OGFR: variants seen among roughly 807,000 people sequenced by gnomAD.
OGFR encodes opioid growth factor receptor.
A neutral mutation model predicts 33.6 loss-of-function variants in OGFR; 18 were observed. That is an observed-to-expected ratio of 0.54 (90% CI 0.37 to 0.80). OGFR has a LOEUF of 0.80. Among genes scored for constraint, OGFR ranks in the 30% least tolerant of loss-of-function variants. The probability of loss-of-function intolerance (pLI) is 0.00; values close to 1 mark genes in which losing one functional copy is unlikely to be tolerated. For synonymous variants in OGFR, 370 were observed against 400.7 expected (o/e 0.92, Z 0.91); for missense variants, 877 against 955.8 (o/e 0.92, Z 1.09).
rs748171211 is a variant in OGFR, at chr20:62,812,528, G to C, written c.913G>C (p.Glu305Gln). ...GCCCAGCTCTCTGCCCCATCCGCTC[G>C]AGGGCTCCAGGAAGGTGGAGGAGGA... is the stretch of plus-strand genomic sequence containing the variant. ...FKPSSLPHPLEGSRKVEEEGS... is the reference protein window; with the variant it reads ...FKPSSLPHPLQGSRKVEEEGS... The change falls in exon 7 of 7, where the codon GAG becomes CAG. Residue 305 changes from glutamate to glutamine, a missense_variant. This residue lies in a region of OGFR where 760 missense variants were observed against 736.0 expected (regional missense o/e 1.03). Transcript: ENST00000290291. 5 of 1,585,598 alleles carry C rather than the reference G, an allele frequency of 3.2e-6. No individual in the cohort carries two copies. Among genetic ancestry groups the C allele is most frequent in the African/African-American group, 1.3e-5 (1 of 74,516 alleles).
Position 62,810,526 on chromosome 20 carries a change from G to A in OGFR, c.426G>A (p.Val142=). 1 of 1,613,190 alleles carries A rather than the reference G, an allele frequency of 6.2e-7. No individual in the cohort carries two copies. Among genetic ancestry groups the A allele is most frequent in the African/African-American group, 1.3e-5 (1 of 75,068 alleles). Residue 142 remains valine, a synonymous_variant, in exon 5 of 7, where the codon GTG becomes GTA. Coordinates refer to ENST00000290291, the MANE Select transcript of OGFR (RefSeq NM_007346.4). Reference sequence around the variant, plus strand: ...TGTTTCCTCTGCGAGAACCAGGAGTGAACTGGCATGCCAAGCCCCTCACGC... The same window carrying A: ...TGTTTCCTCTGCGAGAACCAGGAGTAAACTGGCATGCCAAGCCCCTCACGC... The part of the protein sequence containing the change: ...QWLFPLREPG[V]NWHAKPLTLR...
chr20:62,809,714 GGGCCCTCCCA>G, intron 4 of OGFR, 51 bp downstream of exon 4: 1 of 1,371,648 alleles, frequency 7.3e-7, no homozygotes, highest in Non-Finnish European at 1.0e-6. Context: ...CACAGGGGGA[GGGCCCTCCCA>G]GGCAGGAGCC....
At chr20:62,807,444 T>C (rs1990620878) in intron 1 of OGFR, 93 bp from the exon 2 acceptor site, 1 of 1,067,500 alleles carries the variant, frequency 9.4e-7, no homozygotes, top group Non-Finnish European at 1.4e-6. Context: ...GACAGCTCTG[T>C]GGCAGCTGGC....
intron 4 of OGFR, among the ~76,000 whole-genome samples, chr20:62,810,126 C>T (rs902009265): frequency 4.6e-5 from 7 of 152,168 alleles, no homozygotes; most frequent in African/African-American, 7.2e-5. Context: ...GCTCGCTGGG[C>T]GTCCACAGGG....
At position 62,807,539 on chromosome 20, in the gene OGFR, C is replaced by T; in HGVS notation, c.174C>T (p.Ser58=). 6.2e-7 allele frequency: 1 copy of T among 1,612,644 alleles called. No individual in the cohort carries two copies. Among genetic ancestry groups the T allele is most frequent in the Non-Finnish European group, 8.5e-7 (1 of 1,179,666 alleles). The change falls in exon 2 of 7, where the codon TCC becomes TCT. Residue 58 remains serine, a splice_region_variant and synonymous_variant. Coordinates refer to ENST00000290291, the MANE Select transcript of OGFR (RefSeq NM_007346.4). ...AATCCCATCTCTTTTCTTCCCAGTCCAGAATGACAGGGTCCAGAAACTGGC... is the reference window on the plus strand; with the variant it reads ...AATCCCATCTCTTTTCTTCCCAGTCTAGAATGACAGGGTCCAGAAACTGGC... ...PRAARPSSFQ[S]RMTGSRNWRA...
chr20:62,809,903 C>A (rs538016654), intron 4 of OGFR, among the ~76,000 whole-genome samples: 16 of 152,224 alleles, frequency 1.1e-4, no homozygotes, highest in Non-Finnish European at 1.8e-4. Flanking sequence ...GGAAGGGCTG[C>A]ACACAAGCTC....
rs1990752636 is a variant in OGFR at position 62,812,477 on chromosome 20, C to A, written c.862C>A (p.Pro288Thr). 3 of 1,578,834 alleles carry A rather than the reference C, an allele frequency of 1.9e-6. No homozygotes were observed. Among genetic ancestry groups the A allele is most frequent in the Admixed American group, 3.6e-5 (2 of 55,048 alleles). Reference protein sequence around the residue: ...FRPRCKFVWGPQDKLRRFKPS... With the variant: ...FRPRCKFVWGTQDKLRRFKPS... ...GCCCCGCTGCAAGTTCGTCTGGGGG[C>A]CCCAAGACAAGCTGCGGAGGTTCAA... is the stretch of plus-strand genomic sequence containing the variant. The change falls in exon 7 of 7, where the codon CCC (proline) becomes ACC (threonine). Residue 288 changes from proline (P) to threonine (T), a missense_variant. By Grantham distance (38) the Pro-to-Thr change is conservative. Around this residue, in one of 3 missense-constraint regions of OGFR, gnomAD observed 760 missense variants for 736.0 expected, o/e 1.03. Coordinates refer to ENST00000290291, the MANE Select transcript of OGFR (RefSeq NM_007346.4).
rs1990700007 is a variant in OGFR, at chr20:62,810,501, T to C, written c.401T>C (p.Leu134Pro). The C allele has an allele frequency of 1.2e-6, 2 of 1,613,240 alleles. No individual in the cohort carries two copies. Among genetic ancestry groups the C allele is most frequent in the Admixed American group, 1.7e-5 (1 of 60,012 alleles). The part of the protein sequence containing the change: ...LEDNHSYIQW[L>P]FPLREPGVNW... ...CCTGAGCATCTCTTCTCCTGCAGGC[T>C]GTTTCCTCTGCGAGAACCAGGAGTG... Residue 134 changes from leucine (L) to proline (P), a missense_variant and splice_region_variant, in exon 5 of 7, where the codon CTG becomes CCG. Leu to Pro is a moderately conservative substitution (Grantham distance 98, BLOSUM62 -3). Around this residue, in one of 3 missense-constraint regions of OGFR, gnomAD observed 760 missense variants for 736.0 expected, o/e 1.03. Coordinates refer to ENST00000290291, the MANE Select transcript of OGFR (RefSeq NM_007346.4).
In OGFR at chr20:62,808,119, C is replaced by T. The variant is rs780607430; in HGVS notation, c.241-128C>T. ...TGGCCCCCACCTGCAGAGTGAGGAG[C>T]CAGGCGGGCTCTTGGGGTATTGGGC... On this transcript the variant is annotated intron_variant, in intron 2 of 6. Coordinates refer to ENST00000290291, the MANE Select transcript of OGFR (RefSeq NM_007346.4). 1.8e-5 allele frequency: 14 copies of T among 782,474 alleles called. No homozygotes were observed. In the East Asian group the frequency reaches 3.5e-4, roughly 20 times the overall value. The allele number at this position is 782,474 out of a possible 1,614,324, so 48.5% of individuals were successfully genotyped here.
intron 4 of OGFR, 28 bp downstream of exon 4, chr20:62,809,691 G>T (rs1411411627): frequency 1.3e-6 from 2 of 1,531,752 alleles, no homozygotes; most frequent in South Asian, 1.1e-5. Flanking sequence ...GGGGGATGGG[G>T]GGTTGGCGAG....
At position 62,811,503 on chromosome 20, in the gene OGFR, G is replaced by A; in HGVS notation, c.507G>A (p.Arg169=). The part of the protein sequence containing the change: ...SSQEIQERLV[R]AYELMLGFYG... Reference sequence around the variant, plus strand: ...AGGAGATCCAGGAGCGGCTTGTCCGGGCCTACGAGCTCATGCTGGGCTTCT... The same window carrying A: ...AGGAGATCCAGGAGCGGCTTGTCCGAGCCTACGAGCTCATGCTGGGCTTCT... Residue 169 remains arginine, a synonymous_variant, in exon 6 of 7, where the codon CGG becomes CGA. Transcript: ENST00000290291. The A allele has an allele frequency of 6.2e-7, 1 of 1,608,658 alleles. No individual in the cohort carries two copies. The highest frequency in any genetic ancestry group is 8.5e-7 in the Non-Finnish European group (1 of 1,178,404).
Position 62,812,517 on chromosome 20 carries a change from C to T in OGFR, c.902C>T (p.Pro301Leu), listed in dbSNP as rs1470609934. The T allele has an allele frequency of 1.3e-6, 2 of 1,585,206 alleles. No individual in the cohort carries two copies. The highest frequency in any genetic ancestry group is 1.3e-5 in the African/African-American group (1 of 74,370). Residue 301 changes from proline to leucine, a missense_variant, in exon 7 of 7, where the codon CCC becomes CTC. Around this residue, in one of 3 missense-constraint regions of OGFR, gnomAD observed 760 missense variants for 736.0 expected, o/e 1.03. Coordinates refer to ENST00000290291, the MANE Select transcript of OGFR (RefSeq NM_007346.4). ...CGGAGGTTCAAGCCCAGCTCTCTGC[C>T]CCATCCGCTCGAGGGCTCCAGGAAG... ...KLRRFKPSSL[P>L]HPLEGSRKVE...
intron 4 of OGFR, 22 bp from the exon 5 acceptor site, chr20:62,810,477 C>T: frequency 2.5e-6 from 4 of 1,612,664 alleles, no homozygotes; most frequent in Non-Finnish European, 3.4e-6. Flanking sequence ...AATCCCTTGC[C>T]TGAGCATCTC....
Position 62,811,506 on chromosome 20 carries a change from C to T in OGFR, c.510C>T (p.Ala170=). 1 of 1,608,616 alleles carries T rather than the reference C, an allele frequency of 6.2e-7. No individual in the cohort carries two copies. The highest frequency in any genetic ancestry group is 8.5e-7 in the Non-Finnish European group (1 of 1,178,384). The change falls in exon 6 of 7, where the codon GCC becomes GCT. Residue 170 remains alanine (A), a synonymous_variant. Coordinates refer to ENST00000290291, the MANE Select transcript of OGFR (RefSeq NM_007346.4). ...AGATCCAGGAGCGGCTTGTCCGGGCCTACGAGCTCATGCTGGGCTTCTACG... is the reference window on the plus strand; with the variant it reads ...AGATCCAGGAGCGGCTTGTCCGGGCTTACGAGCTCATGCTGGGCTTCTACG... The part of the protein sequence containing the change: ...SQEIQERLVR[A]YELMLGFYGI...
intron 1 of OGFR, chr20:62,806,188 G>C (rs554668435): frequency 1.3e-5 from 2 of 152,540 alleles, no homozygotes; most frequent in East Asian, 3.9e-4. Flanking sequence ...CCCCAGGAAG[G>C]AGAAGTAGAA....
chr20:62,813,128 G>A lies in OGFR; in HGVS notation c.1513G>A (p.Glu505Lys). Residue 505 changes from glutamate (E) to lysine (K), a missense_variant, in exon 7 of 7, where the codon GAA (glutamate) becomes AAA (lysine). By Grantham distance (56) the Glu-to-Lys change is moderately conservative. This residue lies in a region of OGFR where 760 missense variants were observed against 736.0 expected (regional missense o/e 1.03). Transcript: ENST00000290291. ...HSENGVEEDT[E>K]GRTGPKEGTP... ...TGAGAACGGGGTTGAGGAGGACACAGAAGGTCGAACGGGGCCCAAAGAAGG... is the reference window on the plus strand; with the variant it reads ...TGAGAACGGGGTTGAGGAGGACACAAAAGGTCGAACGGGGCCCAAAGAAGG... 6.3e-7 allele frequency: 1 copy of A among 1,580,272 alleles called. No homozygotes were observed. Among genetic ancestry groups the A allele is most frequent in the Non-Finnish European group, 8.6e-7 (1 of 1,163,220 alleles).
intron 1 of OGFR, chr20:62,806,050 C>A: frequency 6.5e-6 from 1 of 152,822 alleles, no homozygotes; most frequent in Middle Eastern, 3.3e-3. Flanking sequence ...CAGCTGCCTG[C>A]GCTGGACCCT....
chr20:62,813,672 C>T lies in OGFR; in HGVS notation c.*23C>T. On this transcript the variant is annotated 3_prime_UTR_variant, in exon 7 of 7. Coordinates refer to ENST00000290291, the MANE Select transcript of OGFR (RefSeq NM_007346.4). ...TAAGGAAAGGAGTGCCCGTCGGCGT[C>T]TTGGTCCTCCTGTCCCTGCTGCAGG... 1 of 1,609,478 alleles carries T rather than the reference C, an allele frequency of 6.2e-7. No homozygotes were observed. Among genetic ancestry groups the T allele is most frequent in the Non-Finnish European group, 8.5e-7 (1 of 1,177,632 alleles).
rs1008093564 is a variant in OGFR at position 62,813,606 on chromosome 20, A to G, written c.1991A>G (p.Gln664Arg). ...PAKAGEAAEL[Q>R]DAEVESSAKS... ...AAGGCGGGGGAGGCAGCAGAGTTGC[A>G]GGACGCAGAGGTGGAGTCTTCTGCC... is the stretch of plus-strand genomic sequence containing the variant. The change falls in exon 7 of 7, where the codon CAG becomes CGG. Residue 664 changes from glutamine to arginine, a missense_variant. Gln to Arg is a conservative substitution (Grantham distance 43). Around this residue, in one of 3 missense-constraint regions of OGFR, gnomAD observed 45 missense variants for 38.0 expected, o/e 1.19. Coordinates refer to ENST00000290291, the MANE Select transcript of OGFR (RefSeq NM_007346.4). 7 of 1,612,836 alleles carry G rather than the reference A, an allele frequency of 4.3e-6. No homozygotes were observed. Among genetic ancestry groups the G allele is most frequent in the South Asian group, 1.1e-5 (1 of 91,074 alleles).
Sources: gnomAD v4.1 joint callset for allele counts (sites outside exome capture counted in the v4.1 genomes callset) on GRCh38, gnomAD v4.1.1 for gene constraint, gnomAD v4.1.1 regional missense constraint, MANE v1.5 for transcripts, NCBI Gene and HGNC (gene_info 2026-07-23, HGNC 2026-07-21) for gene names.